Variants in EIF2AK3 observed in about 807,000 individuals in gnomAD.
EIF2AK3 encodes eukaryotic translation initiation factor 2-alpha kinase 3.
EIF2AK3 carries 50 observed loss-of-function variants against 113.5 expected under a neutral mutation model. The observed-to-expected ratio is 0.44, with a 90% CI of 0.35 to 0.56. The LOEUF is 0.56. Among genes scored for constraint, EIF2AK3 ranks in the 20% least tolerant of loss-of-function variants. The probability of loss-of-function intolerance (pLI) is 0.00; values close to 1 mark genes in which losing one functional copy is unlikely to be tolerated. For missense variants in EIF2AK3, 1,185 were observed against 1,378.0 expected (o/e 0.86, Z 2.22); for synonymous variants, 448 against 495.4 (o/e 0.90, Z 1.27).
intron 1 of EIF2AK3, 27 bp downstream of exon 1, chr2:88,626,940 G>A (rs932865464): frequency 6.2e-7 from 1 of 1,605,138 alleles, no homozygotes; most frequent in Non-Finnish European, 8.5e-7. Context: ...TAAACAAGTT[G>A]CCTCCCCCGG....
chr2:88,620,227 T>C (rs1675688157), intron 1 of EIF2AK3, among the ~76,000 whole-genome samples: 1 of 152,126 alleles, frequency 6.6e-6, no homozygotes, highest in Non-Finnish European at 1.5e-5. Context: ...ACTTTCCTAA[T>C]CTCATTTTTC....
At chr2:88,606,316 A>T (rs1207752925) in intron 2 of EIF2AK3, among the ~76,000 whole-genome samples, 15 of 140,888 alleles carry the variant, frequency 1.1e-4, no homozygotes, top group African/African-American at 4.9e-4. Flanking sequence ...AATAAAATAA[A>T]AAATAAAAAA....
chr2:88,576,408 T>C (rs77306142), intron 12 of EIF2AK3, 146 bp downstream of exon 12: 30,740 of 1,175,462 alleles, frequency 0.026, 509 homozygotes, highest in Non-Finnish European at 0.031. Flanking sequence ...ATTTCACAAG[T>C]GGCTAGAGAA....
chr2:88,586,628 G>C (rs1674738799), intron 8 of EIF2AK3, among the ~76,000 whole-genome samples: 1 of 119,302 alleles, frequency 8.4e-6, no homozygotes, highest in Non-Finnish European at 1.7e-5. Flanking sequence ...ACAGGGTCTT[G>C]CTCTGTTGCC....
chr2:88,591,143 T>TA, intron 4 of EIF2AK3, 91 bp from the exon 5 acceptor site: 1 of 1,149,660 alleles, frequency 8.7e-7, no homozygotes, highest in East Asian at 2.5e-5. Flanking sequence ...AAGCAAATAC[T>TA]AAAATTATGT....
rs1164452278 is a variant in EIF2AK3, at chr2:88,590,427, A to G, written c.1165+16T>C. Reference sequence around the variant, plus strand: ...TGTCAATGTGTACTATCGTTAGATAAGATACATTTACTCACCCAAGTAAAC... The same window carrying G: ...TGTCAATGTGTACTATCGTTAGATAGGATACATTTACTCACCCAAGTAAAC... On this transcript the variant is annotated intron_variant, in intron 6 of 16. Transcript: ENST00000303236. 1 of 1,613,308 alleles carries G rather than the reference A, an allele frequency of 6.2e-7. No homozygotes were observed. Among genetic ancestry groups the G allele is most frequent in the Non-Finnish European group, 8.5e-7 (1 of 1,179,530 alleles).
rs778801613 is a variant in EIF2AK3, at chr2:88,576,545, G to A, written c.2036+9C>T. The A allele has an allele frequency of 6.8e-6, 11 of 1,613,768 alleles. No individual in the cohort carries two copies. Among genetic ancestry groups the A allele is most frequent in the African/African-American group, 1.3e-5 (1 of 74,872 alleles). On this transcript the variant is annotated intron_variant, in intron 12 of 16. Transcript: ENST00000303236. ...CTAGCTTAAGTGTATGTGTAACAAAGTTAGTTACCTTTCATCTTTCAGCCA... is the reference window on the plus strand; with the variant it reads ...CTAGCTTAAGTGTATGTGTAACAAAATTAGTTACCTTTCATCTTTCAGCCA...
Position 88,557,514 on chromosome 2 carries a change from CAAAG to C in EIF2AK3, c.*218_*221del, listed in dbSNP as rs1355275134. On this transcript the variant is annotated 3_prime_UTR_variant, in exon 17 of 17. Coordinates refer to ENST00000303236, the MANE Select transcript of EIF2AK3 (RefSeq NM_004836.7). ...CCAGCAGCCAGTTTCAAGAGACTAA[CAAAG>C]AACAAAGATAGCCCTTTCCTTAAGT... 1 of 578,866 alleles carries C rather than the reference CAAAG, an allele frequency of 1.7e-6. No individual in the cohort carries two copies. The highest frequency in any genetic ancestry group is 3.1e-6 in the Non-Finnish European group (1 of 326,374). The allele number at this position is 578,866 out of a possible 1,614,324, so 35.9% of individuals were successfully genotyped here. A position where few individuals can be genotyped will look rare whatever the true frequency, so the allele number is the denominator to read the frequency against.
At chr2:88,571,264 T>C (rs765787146) in intron 13 of EIF2AK3, among the ~76,000 whole-genome samples, 6 of 152,228 alleles carry the variant, frequency 3.9e-5, no homozygotes, top group Non-Finnish European at 8.8e-5. Flanking sequence ...CTAGTATTTA[T>C]TGAACATCTA....
intron 11 of EIF2AK3, among the ~76,000 whole-genome samples, chr2:88,578,645 G>A (rs1674523462): frequency 6.6e-6 from 1 of 150,540 alleles, no homozygotes. Context: ...TTGTGCCATT[G>A]CACTCCAGCC....
chr2:88,598,157 A>T (rs1401516190), intron 2 of EIF2AK3, among the ~76,000 whole-genome samples: 1 of 152,200 alleles, frequency 6.6e-6, no homozygotes. Context: ...ACATGTTCAT[A>T]CCAATAGCAA....
intron 11 of EIF2AK3, among the ~76,000 whole-genome samples, chr2:88,577,433 G>A (rs72921085): frequency 0.15 from 22,313 of 149,930 alleles, 2,794 homozygotes; most frequent in African/African-American, 0.35. Context: ...CAACTTCTTT[G>A]CTTGGCATTT....
At chr2:88,565,800 T>C (rs1674101203) in intron 14 of EIF2AK3, among the ~76,000 whole-genome samples, 1 of 152,212 alleles carries the variant, frequency 6.6e-6, no homozygotes. Flanking sequence ...TAGAAATATG[T>C]ATTTATAGTA....
intron 10 of EIF2AK3, among the ~76,000 whole-genome samples, chr2:88,580,717 T>A (rs56653552): frequency 0.23 from 34,886 of 152,192 alleles, 4,474 homozygotes; most frequent in Middle Eastern, 0.44. Context: ...ATGACTTACA[T>A]ACTCATTATT....
intron 3 of EIF2AK3, among the ~76,000 whole-genome samples, chr2:88,595,206 CAAAAAAAAAAAAAA>C (rs11339424): frequency 1.7e-5 from 1 of 59,458 alleles, no homozygotes; most frequent in Admixed American, 2.0e-4. Flanking sequence ...GACTCTGTCT[CAAAAAAAAAAAAAA>C]AAAAAAAAAC....
intron 6 of EIF2AK3, 89 bp from the exon 7 acceptor site, chr2:88,588,990 TCTAC>T: frequency 7.0e-7 from 1 of 1,425,478 alleles, no homozygotes; most frequent in Non-Finnish European, 9.7e-7. Flanking sequence ...TCCAGTTATT[TCTAC>T]ATACACCACA....
rs1384609979 is a variant in EIF2AK3, at chr2:88,557,871, A to G, written c.3216T>C (p.Ile1072=). 3 of 1,614,034 alleles carry G rather than the reference A, an allele frequency of 1.9e-6. No homozygotes were observed. Among genetic ancestry groups the G allele is most frequent in the Non-Finnish European group, 1.7e-6 (2 of 1,180,010 alleles). The change falls in exon 17 of 17, where the codon ATT becomes ATC. Residue 1072 remains isoleucine, a synonymous_variant. Coordinates refer to ENST00000303236, the MANE Select transcript of EIF2AK3 (RefSeq NM_004836.7). ...PMERPEAINI[I]ENAVFEDLDF... is the part of the protein sequence containing the mutation. ...CCAAGTCCTCAAATACAGCATTTTC[A>G]ATGATGTTTATAGCTTCAGGTCGTT... is the stretch of plus-strand genomic sequence containing the variant.
chr2:88,559,595 GAGAA>G (rs1673886116), intron 15 of EIF2AK3, among the ~76,000 whole-genome samples: 1 of 151,372 alleles, frequency 6.6e-6, no homozygotes, highest in Admixed American at 6.6e-5. Context: ...GAGGGAGAAA[GAGAA>G]AGGGGAGAGA....
chr2:88,622,255 A>T (rs898232297), intron 1 of EIF2AK3, among the ~76,000 whole-genome samples: 1 of 152,218 alleles, frequency 6.6e-6, no homozygotes, highest in African/African-American at 2.4e-5. Context: ...TAAACACACA[A>T]ATTTATCTCC....
Sources: allele counts gnomAD v4.1 joint callset (sites outside exome capture counted in the v4.1 genomes callset), GRCh38; gene constraint gnomAD v4.1.1; transcripts MANE v1.5; gene names NCBI Gene and HGNC (gene_info 2026-07-23, HGNC 2026-07-21).